The following IFIH1 variants were observed in gnomAD, a reference collection of about 807,000 sequenced individuals.
The protein encoded by IFIH1 is interferon induced with helicase C domain 1, also known as interferon-induced helicase C domain-containing protein 1.
In IFIH1, 125 loss-of-function variants were observed where a neutral mutation model predicts 107.4. That is an observed-to-expected ratio of 1.16 (90% confidence interval 1.01 to 1.35). The LOEUF (loss-of-function observed/expected upper bound fraction) is 1.35, where lower values mean the gene tolerates loss of function less well. Among genes scored for constraint, IFIH1 ranks in the 40% most tolerant of loss-of-function variants. The pLI is 0.00. For missense variants in IFIH1, 1,333 were observed against 1,213.7 expected, an observed-to-expected ratio of 1.10 and a Z score of -1.46; for synonymous variants, 458 against 413.2, an observed-to-expected ratio of 1.11 and a Z score of -1.31.
chr2:162,295,082 T>C (rs781140257), intron 3 of IFIH1, among the ~76,000 whole-genome samples: 5 of 152,026 alleles, frequency 3.3e-5, no homozygotes, highest in Non-Finnish European at 7.4e-5. Flanking sequence ...TTTTGCAACT[T>C]TGAAGAGGTT....
Position 162,272,218 on chromosome 2 carries a change from A to C in IFIH1, c.2616+8T>G. ...ATGAAAATCAAATTCAGAGGTGACC[A>C]ACAATACCTTATGAGCATACTCCTC... On this transcript the variant is annotated splice_region_variant and intron_variant, in intron 13 of 15. Transcript: ENST00000649979. 1 of 1,607,762 alleles carries C rather than the reference A, an allele frequency of 6.2e-7. No homozygotes were observed. The highest frequency in any genetic ancestry group is 8.5e-7 in the Non-Finnish European group (1 of 1,176,174).
At position 162,317,915 on chromosome 2, in the gene IFIH1, A is replaced by G; in HGVS notation, c.393T>C (p.Val131=). The change falls in exon 1 of 16, where the codon GTT becomes GTC. Residue 131 remains valine, a synonymous_variant. Coordinates refer to ENST00000649979, the MANE Select transcript of IFIH1 (RefSeq NM_022168.4). ...CCATGCACTTATCCAAGACGTCTCT[A>G]ACTAGAAGCTTGTCCACCAGAGTGG... ...LQPTLVDKLL[V]RDVLDKCMEE... 6.2e-7 allele frequency: 1 copy of G among 1,613,552 alleles called. No individual in the cohort carries two copies. The highest frequency in any genetic ancestry group is 1.1e-5 in the South Asian group (1 of 91,028).
chr2:162,301,320 T>C (rs149284026), intron 3 of IFIH1, among the ~76,000 whole-genome samples: 4 of 152,322 alleles, frequency 2.6e-5, no homozygotes, highest in African/African-American at 9.6e-5. Context: ...AGTTACATTA[T>C]AATCTTTCAC....
At chr2:162,305,353 T>C (rs1293158442) in intron 3 of IFIH1, among the ~76,000 whole-genome samples, 1 of 152,184 alleles carries the variant, frequency 6.6e-6, no homozygotes, top group Non-Finnish European at 1.5e-5. Flanking sequence ...GGGGATCACC[T>C]GAGGTCAGGA....
chr2:162,316,098 T>TA (rs1683486254), intron 1 of IFIH1, among the ~76,000 whole-genome samples: 1 of 152,196 alleles, frequency 6.6e-6, no homozygotes, highest in Non-Finnish European at 1.5e-5. Flanking sequence ...AGAACTTGGA[T>TA]AAAATCTAGC....
chr2:162,310,507 T>C (rs1037254372), intron 2 of IFIH1: 4 of 503,344 alleles, frequency 7.9e-6, no homozygotes, highest in Admixed American at 7.5e-5. Context: ...AAATTTCTGG[T>C]AGTCATATTG....
At position 162,288,154 on chromosome 2, in the gene IFIH1, AC is replaced by A. The variant is rs1682929364; in HGVS notation, c.1075del (p.Val359LeufsTer2). 6.2e-7 allele frequency: 1 copy of A among 1,610,764 alleles called. No homozygotes were observed. The highest frequency in any genetic ancestry group is 1.3e-5 in the African/African-American group (1 of 74,702). ...KKKKASEPGKVIVLVNKVLLV... is the reference protein window; with the variant it reads ...KKKKASEPGKXIVLVNKVLLV... ...GAATACCTTATTGACAAGAACTATAACTTTTCCAGGCTCAGATGCTTTTTTC... is the reference window on the plus strand; with the variant it reads ...GAATACCTTATTGACAAGAACTATAATTTTCCAGGCTCAGATGCTTTTTTC... On this transcript the variant is annotated frameshift_variant, in exon 5 of 16. Coordinates refer to ENST00000649979, the MANE Select transcript of IFIH1 (RefSeq NM_022168.4). LOFTEE classifies it high-confidence loss of function.
Position 162,288,318 on chromosome 2 carries a change from T to C in IFIH1, c.912A>G (p.Pro304=), listed in dbSNP as rs1234605505. The C allele has an allele frequency of 3.1e-6, 5 of 1,612,720 alleles. No homozygotes were observed. Among genetic ancestry groups the C allele is most frequent in the Non-Finnish European group, 4.2e-6 (5 of 1,179,152 alleles). The change falls in exon 5 of 16, where the codon CCA becomes CCG. Residue 304 remains proline (P), a synonymous_variant. Transcript: ENST00000649979. ...ENVAARASPE[P]ELQLRPYQME... is the part of the protein sequence containing the mutation. ...TTTGGTAAGGCCTGAGCTGGAGTTC[T>C]GGCTCCGGGGATGCTCTTGCTGCCA...
At chr2:162,273,705 A>G (rs1691090316) in intron 12 of IFIH1, 90 bp downstream of exon 12, 8 of 967,704 alleles carry the variant, frequency 8.3e-6, no homozygotes, top group Non-Finnish European at 1.2e-5. Flanking sequence ...AACTAAAAAG[A>G]TGTTTTTGCT....
chr2:162,297,262 G>A (rs545645527), intron 3 of IFIH1, among the ~76,000 whole-genome samples: 79 of 152,160 alleles, frequency 5.2e-4, no homozygotes, highest in Non-Finnish European at 1.3e-4. Context: ...GATTTATTTA[G>A]GTTTATCTTG....
Position 162,318,275 on chromosome 2 carries a change from G to A in IFIH1, c.33C>T (p.Phe11=). 3 of 1,613,906 alleles carry A rather than the reference G, an allele frequency of 1.9e-6. No individual in the cohort carries two copies. Among genetic ancestry groups the A allele is most frequent in the Non-Finnish European group, 2.5e-6 (3 of 1,179,878 alleles). The change falls in exon 1 of 16, where the codon TTC becomes TTT. Residue 11 remains phenylalanine, a synonymous_variant. Transcript: ENST00000649979. MSNGYSTDEN[F]RYLISCFRAR... ...CCCTGAAGCACGAGATGAGATAGCG[G>A]AAATTCTCGTCTGTGGAATACCCAT...
intron 4 of IFIH1, among the ~76,000 whole-genome samples, chr2:162,291,888 T>C (rs1402470339): frequency 1.3e-5 from 2 of 151,890 alleles, no homozygotes; most frequent in African/African-American, 2.4e-5. Flanking sequence ...TCTTTGCTCC[T>C]AAGTACTGAT....
chr2:162,293,607 G>A lies in IFIH1; in HGVS notation c.831C>T (p.Asn277=). Residue 277 remains asparagine, a synonymous_variant, in exon 4 of 16, where the codon AAC becomes AAT. Transcript: ENST00000649979. ...TGCCTGAATCACTGCCCATGTTGCTGTTATGTCCAAGACTTTCATCTAAGC... is the reference window on the plus strand; with the variant it reads ...TGCCTGAATCACTGCCCATGTTGCTATTATGTCCAAGACTTTCATCTAAGC... ...VSCLDESLGH[N]SNMGSDSGTM... The A allele has an allele frequency of 2.5e-6, 4 of 1,611,948 alleles. No homozygotes were observed. The highest frequency in any genetic ancestry group is 3.4e-6 in the Non-Finnish European group (4 of 1,178,534).
chr2:162,305,571 AAAAATAAAAT>A (rs565732809), intron 3 of IFIH1, among the ~76,000 whole-genome samples: 22 of 152,022 alleles, frequency 1.4e-4, no homozygotes, highest in Admixed American at 2.6e-4. Context: ...TTCCATCTCC[AAAAATAAAAT>A]AAAATAAAAT....
chr2:162,314,128 C>T (rs979143136), intron 1 of IFIH1, among the ~76,000 whole-genome samples: 1 of 152,056 alleles, frequency 6.6e-6, no homozygotes, highest in Non-Finnish European at 1.5e-5. Context: ...TCATGACTGC[C>T]TAAATTGATG....
intron 2 of IFIH1, among the ~76,000 whole-genome samples, chr2:162,308,670 G>A (rs1298906126): frequency 6.6e-6 from 1 of 152,144 alleles, no homozygotes; most frequent in Non-Finnish European, 1.5e-5. Flanking sequence ...GAGCCACCAC[G>A]CTTGGCCTGG....
intron 9 of IFIH1, 33 bp from the exon 10 acceptor site, chr2:162,277,726 T>C: frequency 6.3e-7 from 1 of 1,576,256 alleles, no homozygotes; most frequent in Non-Finnish European, 8.6e-7. Flanking sequence ...AGTGAAATAA[T>C]AAGCATATAA....
intron 13 of IFIH1, 133 bp from the exon 14 acceptor site, chr2:162,268,410 A>G: frequency 3.4e-6 from 2 of 581,842 alleles, no homozygotes; most frequent in Middle Eastern, 4.5e-4. Flanking sequence ...GGAAATAAAA[A>G]TAATGAGGTA....
intron 3 of IFIH1, among the ~76,000 whole-genome samples, chr2:162,296,124 C>T (rs1377935224): frequency 6.6e-6 from 1 of 152,042 alleles, no homozygotes; most frequent in East Asian, 1.9e-4. Flanking sequence ...TTTCTAATCA[C>T]TAGCAGTTAA....
Sources: allele counts gnomAD v4.1 joint callset (sites outside exome capture counted in the v4.1 genomes callset), GRCh38; gene constraint gnomAD v4.1.1; transcripts MANE v1.5; gene names NCBI Gene and HGNC (gene_info 2026-07-23, HGNC 2026-07-21).